The following TPRA1 variants were observed in gnomAD, a reference collection of about 807,000 sequenced individuals.
The protein encoded by TPRA1 is transmembrane protein adipocyte associated 1.
A neutral mutation model predicts 40.1 loss-of-function variants in TPRA1; 28 were observed. That is an observed-to-expected ratio of 0.70 (90% CI 0.52 to 0.96). The LOEUF (loss-of-function observed/expected upper bound fraction) is 0.96, where lower values mean the gene tolerates loss of function less well. Ranked by LOEUF, TPRA1 falls within the 40% of genes least tolerant of loss-of-function variation. The pLI is 0.00. For missense variants in TPRA1, 441 were observed against 482.6 expected (o/e 0.91, Z 0.81); for synonymous variants, 219 against 209.7 (o/e 1.04, Z -0.38).
rs561710420 is a variant in TPRA1 at position 127,575,316 on chromosome 3, ACACCTCC to A, written c.774-58_774-52del. 1,025 of 1,595,200 alleles carry A rather than the reference ACACCTCC, an allele frequency of 6.4e-4. 12 individuals carry two copies. In the South Asian group the frequency reaches 0.011, roughly 17 times the overall value. Reference sequence around the variant, plus strand: ...GGCCTCCTAGCCCCATGCTGACTCCACACCTCCCCATGCCCCCAGCGGGTGGACACCC... The same window carrying A: ...GGCCTCCTAGCCCCATGCTGACTCCACCATGCCCCCAGCGGGTGGACACCC... On this transcript the variant is annotated intron_variant, in intron 9 of 10. Coordinates refer to ENST00000355552, the MANE Select transcript of TPRA1 (RefSeq NM_001136053.4).
At chr3:127,578,944 G>A (rs576066377) in intron 3 of TPRA1, among the ~76,000 whole-genome samples, 183 of 152,180 alleles carry the variant, frequency 1.2e-3, no homozygotes, top group African/African-American at 4.1e-3. Flanking sequence ...GCCCACACCC[G>A]AAGCCCACAC....
intron 1 of TPRA1, among the ~76,000 whole-genome samples, chr3:127,587,690 T>G (rs2107662186): frequency 6.6e-6 from 1 of 151,124 alleles, no homozygotes; most frequent in East Asian, 1.9e-4. Context: ...TTTTTTTTTT[T>G]TTTTGAGACA....
At position 127,575,222 on chromosome 3, in the gene TPRA1, G is replaced by A. The variant is rs1162544678; in HGVS notation, c.817C>T (p.Pro273Ser). ...TTFLYFSFFA[P>S]LIYVAFLRGF... is the part of the protein sequence containing the mutation. ...CGGAGGAAAGCCACGTAGATGAGCGGAGCGAAGAAGCTGAAGTACAGGAAG... is the reference window on the plus strand; with the variant it reads ...CGGAGGAAAGCCACGTAGATGAGCGAAGCGAAGAAGCTGAAGTACAGGAAG... Residue 273 changes from proline (P) to serine (S), a missense_variant, in exon 10 of 11, where the codon CCG becomes TCG. Pro to Ser is a moderately conservative substitution (Grantham distance 74, BLOSUM62 -1). Transcript: ENST00000355552. 5.0e-6 allele frequency: 8 copies of A among 1,613,960 alleles called. No individual in the cohort carries two copies. The highest frequency in any genetic ancestry group is 5.9e-6 in the Non-Finnish European group (7 of 1,180,000).
At chr3:127,597,868 C>T (rs2074261804) in intron 1 of TPRA1, 2 of 155,764 alleles carry the variant, frequency 1.3e-5, no homozygotes, top group Admixed American at 6.3e-5. Flanking sequence ...AGTGCAGTGG[C>T]GGGATCTCGG....
At position 127,579,842 on chromosome 3, in the gene TPRA1, G is replaced by C; in HGVS notation, c.156C>G (p.Ile52Met). The change falls in exon 3 of 11, where the codon ATC (isoleucine) becomes ATG (methionine). Residue 52 changes from isoleucine to methionine, a missense_variant. Physicochemically the swap from Ile to Met is conservative, Grantham distance 10. Transcript: ENST00000355552. ...GGAAGATGAGGAAGAGCACATTGGGGATGAGCAGCAAGAGGTCCCAGTACC... is the reference window on the plus strand; with the variant it reads ...GGAAGATGAGGAAGAGCACATTGGGCATGAGCAGCAAGAGGTCCCAGTACC... ...RVRYWDLLLL[I>M]PNVLFLIFLL... 6.2e-7 allele frequency: 1 copy of C among 1,614,034 alleles called. No homozygotes were observed. Among genetic ancestry groups the C allele is most frequent in the Non-Finnish European group, 8.5e-7 (1 of 1,180,034 alleles).
At chr3:127,578,447 A>C (rs2073718686) in intron 3 of TPRA1, among the ~76,000 whole-genome samples, 1 of 152,188 alleles carries the variant, frequency 6.6e-6, no homozygotes, top group Non-Finnish European at 1.5e-5. Flanking sequence ...CTGCCTCCTG[A>C]ACTCTTTAGG....
rs754739799 is a variant in TPRA1, at chr3:127,576,647, T to C, written c.468A>G (p.Thr156=). 2.5e-6 allele frequency: 4 copies of C among 1,610,336 alleles called. No homozygotes were observed. The highest frequency in any genetic ancestry group is 1.7e-5 in the Admixed American group (1 of 59,716). ...TGACAGAGTAGGCCAGGGACAGCAC[T>C]GTGGTGATGGCCAGCACCCGCTTGA... The part of the protein sequence containing the change: ...SSIKRVLAIT[T]VLSLAYSVTQ... Residue 156 remains threonine (T), a synonymous_variant, in exon 6 of 11, where the codon ACA becomes ACG. Transcript: ENST00000355552. The surrounding 1 kb of genome is among the most constrained non-coding windows in gnomAD (Gnocchi z 4.6).
At chr3:127,579,709 T>A (rs1032345585) in intron 3 of TPRA1, 31 bp downstream of exon 3, 1 of 1,611,172 alleles carries the variant, frequency 6.2e-7, no homozygotes, top group Non-Finnish European at 8.5e-7. Context: ...CCAGTTGGAG[T>A]TGGCTTTTCT....
Position 127,573,561 on chromosome 3 carries a change from T to C in TPRA1, c.1082A>G (p.Asn361Ser), listed in dbSNP as rs779867284. 2 of 1,613,228 alleles carry C rather than the reference T, an allele frequency of 1.2e-6. No homozygotes were observed. Among genetic ancestry groups the C allele is most frequent in the Non-Finnish European group, 1.7e-6 (2 of 1,179,984 alleles). ...CTTCCAGCGCTCGCTGTCTGTGCTG[T>C]TGATGCTGCCAGTGTGGCAGGGCAT... is the stretch of plus-strand genomic sequence containing the variant. ...ASMPCHTGSI[N>S]STDSERWKAI... Residue 361 changes from asparagine to serine, a missense_variant, in exon 11 of 11, where the codon AAC (asparagine) becomes AGC (serine). By Grantham distance (46) the Asn-to-Ser change is conservative. Transcript: ENST00000355552.
At chr3:127,582,673 G>T (rs1464234478) in intron 1 of TPRA1, among the ~76,000 whole-genome samples, 1 of 147,224 alleles carries the variant, frequency 6.8e-6, no homozygotes. Context: ...CTGCACTCCA[G>T]CCTGGGCAAC....
At chr3:127,581,339 C>A (rs1050779367) in intron 1 of TPRA1, among the ~76,000 whole-genome samples, 5 of 152,154 alleles carry the variant, frequency 3.3e-5, no homozygotes, top group Non-Finnish European at 7.4e-5. Context: ...ACTTGCACAG[C>A]ATAAAAAGAA....
chr3:127,579,822 A>G lies in TPRA1; in HGVS notation c.176T>C (p.Ile59Thr). Residue 59 changes from isoleucine to threonine, a missense_variant, in exon 3 of 11, where the codon ATC becomes ACC. By Grantham distance (89) the Ile-to-Thr change is moderately conservative. Coordinates refer to ENST00000355552, the MANE Select transcript of TPRA1 (RefSeq NM_001136053.4). ...LLLIPNVLFL[I>T]FLLWKLPSAR... is the part of the protein sequence containing the mutation. Reference sequence around the variant, plus strand: ...AGATGGAAGCTTCCAGAGCAGGAAGATGAGGAAGAGCACATTGGGGATGAG... The same window carrying G: ...AGATGGAAGCTTCCAGAGCAGGAAGGTGAGGAAGAGCACATTGGGGATGAG... 6.2e-7 allele frequency: 1 copy of G among 1,614,102 alleles called. No homozygotes were observed. The highest frequency in any genetic ancestry group is 8.5e-7 in the Non-Finnish European group (1 of 1,180,026).
intron 1 of TPRA1, among the ~76,000 whole-genome samples, chr3:127,597,447 T>C (rs1293163454): frequency 6.6e-6 from 1 of 152,192 alleles, no homozygotes; most frequent in African/African-American, 2.4e-5. Flanking sequence ...TACAGAATAG[T>C]CAAACTCTCT....
rs111589837 is a variant in TPRA1, at chr3:127,597,113, CA to C, written c.-391+893del. Among the ~76,000 whole-genome samples the C allele has an allele frequency of 5.6e-3, 732 of 131,108 alleles. 4 individuals carry two copies. The highest frequency in any genetic ancestry group is 0.029 in the East Asian group (133 of 4,554). 86.0% of individuals were successfully genotyped at this position (131,108 alleles called of 152,430 possible). On this transcript the variant is annotated intron_variant, in intron 1 of 3. Transcript: ENST00000462228. ...CCTGGGTGACAGAGTGACTCTGTCT[CA>C]AAAAAAAAAAAAAGATTCCACCTCC...
At chr3:127,575,098 C>T (rs1377881992) in intron 10 of TPRA1, 87 bp downstream of exon 10, 2 of 1,446,230 alleles carry the variant, frequency 1.4e-6, no homozygotes, top group Non-Finnish European at 9.6e-7. Context: ...CATACACAGC[C>T]TCTCAGCTTC....
intron 10 of TPRA1, among the ~76,000 whole-genome samples, chr3:127,574,537 C>T (rs1292085911): frequency 6.6e-6 from 1 of 152,242 alleles, no homozygotes; most frequent in Non-Finnish European, 1.5e-5. Flanking sequence ...CCCAAACCTG[C>T]TCCCCACTTA....
chr3:127,597,237 G>C (rs951906082), intron 1 of TPRA1, among the ~76,000 whole-genome samples: 1 of 152,174 alleles, frequency 6.6e-6, no homozygotes, highest in Non-Finnish European at 1.5e-5. Flanking sequence ...GCCTGGCTAA[G>C]AGGGTTGCGA....
chr3:127,598,198 C>G (rs931510819), exon 1 of TPRA1: 2 of 558,872 alleles, frequency 3.6e-6, no homozygotes, highest in African/African-American at 4.0e-5. Flanking sequence ...GCTTCTACCT[C>G]CGCTCCAGCT....
At chr3:127,588,903 A>C (rs2074082008) in intron 1 of TPRA1, among the ~76,000 whole-genome samples, 1 of 152,194 alleles carries the variant, frequency 6.6e-6, no homozygotes, top group Non-Finnish European at 1.5e-5. Flanking sequence ...TTCTCTACTT[A>C]GTTCTCTTAG....
Sources: gnomAD v4.1 joint callset for allele counts (sites outside exome capture counted in the v4.1 genomes callset) on GRCh38, gnomAD v4.1.1 for gene constraint, Gnocchi (gnomAD v3.1) non-coding constraint, MANE v1.5 for transcripts, NCBI Gene and HGNC (gene_info 2026-07-23, HGNC 2026-07-21) for gene names.